The following NR5A2 variants were observed in gnomAD, a reference collection of about 807,000 sequenced individuals.
NR5A2 encodes the protein nuclear receptor subfamily 5 group A member 2.
A neutral mutation model predicts 62.7 loss-of-function variants in NR5A2; 26 were observed. The observed-to-expected ratio is 0.41, with a 90% CI of 0.30 to 0.58. The LOEUF (loss-of-function observed/expected upper bound fraction) is 0.58, where lower values mean the gene tolerates loss of function less well. Among genes scored for constraint, NR5A2 ranks in the 20% least tolerant of loss-of-function variants. The probability of loss-of-function intolerance (pLI) is 0.22; values close to 1 mark genes in which losing one functional copy is unlikely to be tolerated. For synonymous variants in NR5A2, 246 were observed against 241.7 expected (o/e 1.02, Z -0.16); for missense variants, 541 against 669.1 (o/e 0.81, Z 2.11).
At chr1:200,070,123 A>G (rs1455166433) in intron 5 of NR5A2, among the ~76,000 whole-genome samples, 1 of 152,126 alleles carries the variant, frequency 6.6e-6, no homozygotes, top group Non-Finnish European at 1.5e-5. Context: ...TGTGCAGGGT[A>G]GTAGTTTTGT....
intron 5 of NR5A2, among the ~76,000 whole-genome samples, chr1:200,096,206 G>A (rs1338239272): frequency 6.6e-6 from 1 of 152,084 alleles, no homozygotes; most frequent in East Asian, 1.9e-4. Context: ...TCCTGCCTCA[G>A]CCTCCTGAGT....
At chr1:200,130,309 GAAGAAGAAGAAGAAA>G (rs1414868550) in intron 7 of NR5A2, among the ~76,000 whole-genome samples, 18 of 7,366 alleles carry the variant, frequency 2.4e-3, no homozygotes, top group East Asian at 0.012. Flanking sequence ...AGAAGAAGAA[GAAGAAGAAGAAGAAA>G]AAAAAAATCC....
At chr1:200,042,290 A>G (rs1571702828) in intron 2 of NR5A2, among the ~76,000 whole-genome samples, 1 of 151,592 alleles carries the variant, frequency 6.6e-6, no homozygotes, top group South Asian at 2.1e-4. Flanking sequence ...AGACGCGTCA[A>G]CTCCGCGGGT....
intron 7 of NR5A2, among the ~76,000 whole-genome samples, chr1:200,146,623 C>A (rs142144743): frequency 3.3e-5 from 5 of 152,284 alleles, no homozygotes; most frequent in African/African-American, 1.2e-4. Flanking sequence ...AATTAAATCA[C>A]AAATAATTAT....
At chr1:200,088,320 C>T (rs1442209507) in intron 5 of NR5A2, among the ~76,000 whole-genome samples, 9 of 151,720 alleles carry the variant, frequency 5.9e-5, no homozygotes, top group South Asian at 2.1e-4. Context: ...TGCAGTCGCG[C>T]GATCCTGGCT....
chr1:200,107,615 G>T (rs946889101), intron 5 of NR5A2, among the ~76,000 whole-genome samples: 1 of 152,156 alleles, frequency 6.6e-6, no homozygotes, highest in African/African-American at 2.4e-5. Flanking sequence ...CATCCTAAAA[G>T]AAAAGAAATC....
At chr1:200,059,885 G>A (rs549814160) in intron 5 of NR5A2, among the ~76,000 whole-genome samples, 2 of 152,198 alleles carry the variant, frequency 1.3e-5, no homozygotes, top group African/African-American at 2.4e-5. Flanking sequence ...TATTCTTCAC[G>A]TTAAAGACAT....
rs575102353 is a variant in NR5A2, at chr1:200,086,807, G to A, written c.1111-24395G>A. Among the ~76,000 whole-genome samples, 43 of 152,278 alleles carry A rather than the reference G, an allele frequency of 2.8e-4. 1 individual carries two copies. The highest frequency in any genetic ancestry group is 1.0e-3 in the African/African-American group (42 of 41,564). Reference sequence around the variant, plus strand: ...TAATTCCAGCACTTTGGGCGGCCAAGGCGGCTAGATCAACTGAGGTACGGA... The same window carrying A: ...TAATTCCAGCACTTTGGGCGGCCAAAGCGGCTAGATCAACTGAGGTACGGA... On this transcript the variant is annotated intron_variant, in intron 5 of 7. Transcript: ENST00000367362.
intron 5 of NR5A2, among the ~76,000 whole-genome samples, chr1:200,092,424 A>G (rs908258777): frequency 6.6e-6 from 1 of 152,156 alleles, no homozygotes; most frequent in Non-Finnish European, 1.5e-5. Flanking sequence ...TCTAATTTGT[A>G]CCACTAGGCA....
chr1:200,176,242 T>C lies in NR5A2; in HGVS notation c.*2032T>C, dbSNP rs1210108945. 6.6e-6 allele frequency: 1 copy of C among 152,628 alleles called. No homozygotes were observed. The highest frequency in any genetic ancestry group is 1.5e-5 in the Non-Finnish European group (1 of 68,026). 9.5% of individuals were successfully genotyped at this position (152,628 alleles called of 1,614,324 possible). A position where few individuals can be genotyped will look rare whatever the true frequency, so the allele number is the denominator to read the frequency against. On this transcript the variant is annotated 3_prime_UTR_variant, in exon 8 of 8. Transcript: ENST00000367362. ...TTACCTGGTTTTCCTTTCCAAGCAT[T>C]GTAAATTGTATACCAAAGATATTAG...
intron 5 of NR5A2, among the ~76,000 whole-genome samples, chr1:200,064,239 A>G (rs1279167946): frequency 6.6e-6 from 1 of 152,152 alleles, no homozygotes; most frequent in Non-Finnish European, 1.5e-5. Flanking sequence ...CCCTCCTGAC[A>G]TTGATGCGGC....
intron 7 of NR5A2, among the ~76,000 whole-genome samples, chr1:200,148,852 T>TTTC (rs764214732): frequency 2.0e-5 from 3 of 151,982 alleles, no homozygotes; most frequent in Admixed American, 2.0e-4. Context: ...GTGGAGGTTT[T>TTTC]TTCTTCTTCA....
In NR5A2 at chr1:200,147,490, C is replaced by G; in HGVS notation, c.1379-26473C>G. 1 of 629,724 alleles carries G rather than the reference C, an allele frequency of 1.6e-6. No homozygotes were observed. The allele number at this position is 629,724 out of a possible 1,614,324, so 39.0% of individuals were successfully genotyped here. A position where few individuals can be genotyped will look rare whatever the true frequency, so the allele number is the denominator to read the frequency against. On this transcript the variant is annotated intron_variant, in intron 7 of 7. Transcript: ENST00000367362. The surrounding 1 kb of genome is among the most constrained non-coding windows in gnomAD (Gnocchi z 4.9). Reference sequence around the variant, plus strand: ...TCTTTGAGGCAAGGGACAATTTGATCTGTTTCTTCATCCTTAAAATTTCTG... The same window carrying G: ...TCTTTGAGGCAAGGGACAATTTGATGTGTTTCTTCATCCTTAAAATTTCTG...
At chr1:200,113,498 A>G (rs1666059515) in intron 6 of NR5A2, among the ~76,000 whole-genome samples, 1 of 152,348 alleles carries the variant, frequency 6.6e-6, no homozygotes, top group Non-Finnish European at 1.5e-5. Flanking sequence ...AAAGTGCTGC[A>G]AAGGAAGACT....
intron 7 of NR5A2, among the ~76,000 whole-genome samples, chr1:200,144,221 TCTCTCTCTCTCTCACACACACA>T (rs1553277650): frequency 0.14 from 5,546 of 39,066 alleles, 129 homozygotes; most frequent in East Asian, 0.21. Flanking sequence ...TGTTTCTCTC[TCTCTCTCTCTCTCACACACACA>T]CACACACACA....
At chr1:200,063,065 C>G (rs953412951) in intron 5 of NR5A2, among the ~76,000 whole-genome samples, 5 of 151,724 alleles carry the variant, frequency 3.3e-5, no homozygotes, top group Non-Finnish European at 7.4e-5. Flanking sequence ...ATTCTGTCAC[C>G]CAGGCTGGAG....
chr1:200,136,441 G>A (rs764926436), intron 7 of NR5A2, among the ~76,000 whole-genome samples: 28 of 152,292 alleles, frequency 1.8e-4, no homozygotes, highest in Non-Finnish European at 3.5e-4. Context: ...ACATCTTATT[G>A]TCCTGTATGA....
At chr1:200,151,214 C>T (rs752080079) in intron 7 of NR5A2, among the ~76,000 whole-genome samples, 3 of 152,144 alleles carry the variant, frequency 2.0e-5, no homozygotes, top group Admixed American at 1.3e-4. Context: ...CTTTTAGCAT[C>T]GTTCTGGGCA....
At chr1:200,099,294 G>A (rs998640425) in intron 5 of NR5A2, among the ~76,000 whole-genome samples, 1 of 151,506 alleles carries the variant, frequency 6.6e-6, no homozygotes, top group Non-Finnish European at 1.5e-5. Flanking sequence ...ACTGCCTGAT[G>A]GAAGCAGCCA....
Sources: gnomAD v4.1 joint callset for allele counts (sites outside exome capture counted in the v4.1 genomes callset) on GRCh38, gnomAD v4.1.1 for gene constraint, Gnocchi (gnomAD v3.1) non-coding constraint, MANE v1.5 for transcripts, NCBI Gene and HGNC (gene_info 2026-07-23, HGNC 2026-07-21) for gene names.